The following PCSK9 variants were observed in gnomAD, a reference collection of about 807,000 sequenced individuals.
The protein encoded by PCSK9 is convertase subtilisin/kexin type 9 preproprotein.
In PCSK9, 57 loss-of-function variants were observed where a neutral mutation model predicts 62.1. The observed-to-expected ratio is 0.92, with a 90% CI of 0.74 to 1.14. PCSK9 has a LOEUF of 1.14. Ranked by LOEUF, PCSK9 falls within the 50% of genes most tolerant of loss-of-function variation. PCSK9 has a pLI of 0.00. For missense variants in PCSK9, 870 were observed against 959.8 expected, an observed-to-expected ratio of 0.91 and a Z score of 1.24; for synonymous variants, 387 against 409.4, an observed-to-expected ratio of 0.95 and a Z score of 0.66.
chr1:55,063,472 T>C lies in PCSK9; in HGVS notation c.1967T>C (p.Val656Ala). 6.2e-7 allele frequency: 1 copy of C among 1,614,078 alleles called. No homozygotes were observed. Among genetic ancestry groups the C allele is most frequent in the Non-Finnish European group, 8.5e-7 (1 of 1,179,998 alleles). ...GAYAVDNTCV[V>A]RSRDVSTTGS... ...TACGCCGTAGACAACACGTGTGTAG[T>C]CAGGAGCCGGGACGTCAGCACTACA... Residue 656 changes from valine (V) to alanine (A), a missense_variant, in exon 12 of 12, where the codon GTC becomes GCC. By Grantham distance (64) the Val-to-Ala change is moderately conservative. Transcript: ENST00000302118.
chr1:55,059,387 G>A, intron 9 of PCSK9, 99 bp from the exon 10 acceptor site: 1 of 1,451,264 alleles, frequency 6.9e-7, no homozygotes, highest in South Asian at 1.2e-5. Context: ...CCCTGGCAGG[G>A]ACACTGATGA....
intron 4 of PCSK9, 32 bp from the exon 5 acceptor site, chr1:55,052,618 T>C (rs754720791): frequency 6.2e-7 from 1 of 1,610,946 alleles, no homozygotes; most frequent in South Asian, 1.1e-5. Context: ...AGGGGGGGTC[T>C]TTCTCATGTG....
intron 5 of PCSK9, among the ~76,000 whole-genome samples, chr1:55,054,972 T>A (rs1047062576): frequency 6.7e-6 from 1 of 150,062 alleles, no homozygotes; most frequent in Non-Finnish European, 1.5e-5. Context: ...GCCACTGCAC[T>A]CCAGCCTGGG....
At position 55,061,467 on chromosome 1, in the gene PCSK9, A is replaced by G; in HGVS notation, c.1774A>G (p.Arg592Gly). ...TCAGCCCAACCAGTGCGTGGGCCAC[A>G]GGGAGGCCAGCATCCACGCTTCCTG... Reference protein sequence around the residue: ...RGQPNQCVGHREASIHASCCH... With the variant: ...RGQPNQCVGHGEASIHASCCH... Residue 592 changes from arginine to glycine, a missense_variant, in exon 11 of 12, where the codon AGG (arginine) becomes GGG (glycine). Transcript: ENST00000302118. The G allele has an allele frequency of 6.2e-7, 1 of 1,607,222 alleles. No homozygotes were observed. The highest frequency in any genetic ancestry group is 8.5e-7 in the Non-Finnish European group (1 of 1,177,614).
chr1:55,059,729 G>A, intron 10 of PCSK9, 66 bp downstream of exon 10: 10 of 1,519,212 alleles, frequency 6.6e-6, no homozygotes, highest in East Asian at 2.5e-5. Context: ...CACTGCCCGC[G>A]AGGCTTGGTC....
chr1:55,059,681 C>T lies in PCSK9; in HGVS notation c.1681+18C>T. ...CCTCACAGGTAGGAGGCTGGGCTTGCCCTGGGGTGAGGAGGGGTCTCTTTC... is the reference window on the plus strand; with the variant it reads ...CCTCACAGGTAGGAGGCTGGGCTTGTCCTGGGGTGAGGAGGGGTCTCTTTC... On this transcript the variant is annotated intron_variant, in intron 10 of 11. Transcript: ENST00000302118. 2.6e-6 allele frequency: 4 copies of T among 1,548,272 alleles called. No individual in the cohort carries two copies. The South Asian group carries it at 4.8e-5, about 18-fold the overall frequency.
In PCSK9 at chr1:55,057,452, G is replaced by A. The variant is rs768686622; in HGVS notation, c.1118G>A (p.Ser373Asn). ...GGGGAGGACATCATTGGTGCCTCCA[G>A]CGACTGCAGCACCTGCTTTGTGTCA... ...APGEDIIGAS[S>N]DCSTCFVSQS... Residue 373 changes from serine to asparagine, a missense_variant, in exon 7 of 12, where the codon AGC becomes AAC. Transcript: ENST00000302118. 2 of 1,614,072 alleles carry A rather than the reference G, an allele frequency of 1.2e-6. No homozygotes were observed. Among genetic ancestry groups the A allele is most frequent in the Non-Finnish European group, 1.7e-6 (2 of 1,180,026 alleles).
At chr1:55,048,726 T>G (rs1458248696) in intron 3 of PCSK9, among the ~76,000 whole-genome samples, 2 of 152,248 alleles carry the variant, frequency 1.3e-5, no homozygotes, top group East Asian at 3.8e-4. Flanking sequence ...CTCTTAACTG[T>G]GTGACCTTGC....
chr1:55,050,417 C>T (rs1265397492), intron 3 of PCSK9, among the ~76,000 whole-genome samples: 3 of 152,216 alleles, frequency 2.0e-5, no homozygotes, highest in Non-Finnish European at 4.4e-5. Flanking sequence ...CTCTCAGCCA[C>T]CCCTTCCCAG....
chr1:55,046,280 A>G (rs952416182), intron 2 of PCSK9, among the ~76,000 whole-genome samples: 2 of 152,188 alleles, frequency 1.3e-5, no homozygotes, highest in African/African-American at 4.8e-5. Flanking sequence ...AATCCTTCCT[A>G]AAAGGAATCC....
Position 55,061,374 on chromosome 1 carries a change from G to C in PCSK9, c.1682-1G>C. On this transcript the variant is annotated splice_acceptor_variant, in intron 10 of 11. Transcript: ENST00000302118. LOFTEE classifies it high-confidence loss of function. ...TCTGAGCTGGCTTTCCTCTGCCCCA[G>C]GCTGCAGCTCCCACTGGGAGGTGGA... The C allele has an allele frequency of 1.2e-6, 2 of 1,605,746 alleles. No individual in the cohort carries two copies. The highest frequency in any genetic ancestry group is 1.7e-6 in the Non-Finnish European group (2 of 1,177,414).
chr1:55,060,622 C>T (rs558691070), intron 10 of PCSK9, among the ~76,000 whole-genome samples: 3 of 152,236 alleles, frequency 2.0e-5, no homozygotes, highest in South Asian at 2.1e-4. Context: ...TGGAAGTGCT[C>T]AGCCGATGAG....
chr1:55,062,087 G>T (rs1479960808), intron 11 of PCSK9, among the ~76,000 whole-genome samples: 1 of 152,238 alleles, frequency 6.6e-6, no homozygotes, highest in Non-Finnish European at 1.5e-5. Context: ...CCCAGAGGGG[G>T]TGCCTGAGCT....
intron 4 of PCSK9, 27 bp from the exon 5 acceptor site, chr1:55,052,623 C>T (rs764943197): frequency 6.2e-7 from 1 of 1,611,960 alleles, no homozygotes; most frequent in Non-Finnish European, 8.5e-7. Flanking sequence ...GGGTCTTTCT[C>T]ATGTGGTCCT....
At position 55,043,870 on chromosome 1, in the gene PCSK9, G is replaced by T. The variant is rs749049179; in HGVS notation, c.235G>T (p.Val79Leu). 1 of 1,614,168 alleles carries T rather than the reference G, an allele frequency of 6.2e-7. No homozygotes were observed. Among genetic ancestry groups the T allele is most frequent in the Admixed American group, 1.7e-5 (1 of 60,030 alleles). The change falls in exon 2 of 12, where the codon GTG becomes TTG. Residue 79 changes from valine (V) to leucine (L), a missense_variant. Physicochemically the swap from Val to Leu is conservative, Grantham distance 32. Transcript: ENST00000302118. ...KDPWRLPGTY[V>L]VVLKEETHLS... ...TCCGTGGAGGTTGCCTGGCACCTAC[G>T]TGGTGGTGCTGAAGGAGGAGACCCA...
chr1:55,047,621 T>C (rs1303119705), intron 3 of PCSK9, among the ~76,000 whole-genome samples: 1 of 152,232 alleles, frequency 6.6e-6, no homozygotes, highest in Non-Finnish European at 1.5e-5. Flanking sequence ...GGGGGGCTAC[T>C]GTGTGACTTT....
intron 1 of PCSK9, among the ~76,000 whole-genome samples, chr1:55,043,445 G>A (rs542900566): frequency 2.0e-5 from 3 of 152,196 alleles, no homozygotes; most frequent in South Asian, 2.1e-4. Context: ...TCAGGTCCAC[G>A]GTTTCCTGGC....
intron 8 of PCSK9, 118 bp from the exon 9 acceptor site, chr1:55,058,381 T>C (rs1644732249): frequency 3.9e-6 from 6 of 1,554,594 alleles, no homozygotes; most frequent in Non-Finnish European, 5.3e-6. Flanking sequence ...TAACGTGTTT[T>C]TATAGAGACA....
At chr1:55,045,560 G>C (rs1020812132) in intron 2 of PCSK9, among the ~76,000 whole-genome samples, 2 of 152,168 alleles carry the variant, frequency 1.3e-5, no homozygotes, top group Non-Finnish European at 2.9e-5. Context: ...GAAGGGTAAG[G>C]AGAGGGAATA....
Sources: gnomAD v4.1 joint callset for allele counts (sites outside exome capture counted in the v4.1 genomes callset) on GRCh38, gnomAD v4.1.1 for gene constraint, MANE v1.5 for transcripts, NCBI Gene and HGNC (gene_info 2026-07-23, HGNC 2026-07-21) for gene names.